CORO2B: variants seen among roughly 807,000 people sequenced by gnomAD.
The protein encoded by CORO2B is coronin 2B.
In CORO2B, 26 loss-of-function variants were observed where a neutral mutation model predicts 58.8. That is an observed-to-expected ratio of 0.44 (90% CI 0.32 to 0.61). The LOEUF (loss-of-function observed/expected upper bound fraction) is 0.61. Among genes scored for constraint, CORO2B ranks in the 20% least tolerant of loss-of-function variants. The pLI is 0.04. For missense variants in CORO2B, 460 were observed against 645.1 expected (o/e 0.71, Z 3.11); for synonymous variants, 242 against 253.8 (o/e 0.95, Z 0.44).
In CORO2B at chr15:68,645,482, G is replaced by C. The variant is rs1038580947; in HGVS notation, c.216+122G>C. 10 of 867,512 alleles carry C rather than the reference G, an allele frequency of 1.2e-5. No individual in the cohort carries two copies. The African/African-American group carries it at 1.7e-4, about 15-fold the overall frequency. The allele number at this position is 867,512 out of a possible 1,614,324, so 53.7% of individuals were successfully genotyped here. On this transcript the variant is annotated intron_variant, in intron 2 of 11. Coordinates refer to ENST00000261861, the MANE Select transcript of CORO2B (RefSeq NM_006091.5). This position sits in a 1 kb window ranked among gnomAD's most constrained non-coding sequence, Gnocchi z 4.5. ...TTCCCACCTTTTACTTCCTCATCAAGCATCTAGTGGCTATGCCTTCTTTAG... is the reference window on the plus strand; with the variant it reads ...TTCCCACCTTTTACTTCCTCATCAACCATCTAGTGGCTATGCCTTCTTTAG...
At chr15:68,658,468 C>A (rs1400391942) in intron 2 of CORO2B, among the ~76,000 whole-genome samples, 1 of 152,204 alleles carries the variant, frequency 6.6e-6, no homozygotes, top group Non-Finnish European at 1.5e-5. Context: ...TGGGTAGAAG[C>A]GGGAGGGGCT....
chr15:68,693,555 C>T (rs1892436768), intron 2 of CORO2B, among the ~76,000 whole-genome samples: 1 of 152,202 alleles, frequency 6.6e-6, no homozygotes, highest in East Asian at 1.9e-4. Flanking sequence ...GGAAAAAGAC[C>T]TGAGAGATGG....
intron 2 of CORO2B, among the ~76,000 whole-genome samples, chr15:68,690,386 T>C (rs907916655): frequency 6.6e-6 from 1 of 152,196 alleles, no homozygotes; most frequent in Non-Finnish European, 1.5e-5. Flanking sequence ...ATTTCTTAAT[T>C]ACATGCCTTT....
At chr15:68,573,594 G>A in the CORO2B span, among the ~76,000 whole-genome samples, 2 of 152,156 alleles carry the variant, frequency 1.3e-5, no homozygotes, top group African/African-American at 4.8e-5. Flanking sequence ...AAGCAGGGCA[G>A]GGTGGGAGCT....
At chr15:68,519,904 ATAAG>A in the CORO2B span, among the ~76,000 whole-genome samples, 2 of 152,266 alleles carry the variant, frequency 1.3e-5, no homozygotes, top group African/African-American at 2.4e-5. Flanking sequence ...TTTTTCTAAT[ATAAG>A]TATTTAAAGT....
At chr15:68,683,293 G>A (rs1902850329) in intron 2 of CORO2B, among the ~76,000 whole-genome samples, 1 of 152,198 alleles carries the variant, frequency 6.6e-6, no homozygotes, top group Non-Finnish European at 1.5e-5. Context: ...TCCAGCCATG[G>A]GAAGATACTG....
rs2140340439 is a variant in CORO2B at position 68,726,371 on chromosome 15, A to C, written c.*397A>C. 3.7e-6 allele frequency: 1 copy of C among 270,416 alleles called. No individual in the cohort carries two copies. Among genetic ancestry groups the C allele is most frequent in the Non-Finnish European group, 7.2e-6 (1 of 139,602 alleles). The allele number at this position is 270,416 out of a possible 1,614,324, so 16.8% of individuals were successfully genotyped here. A position where few individuals can be genotyped will look rare whatever the true frequency, so the allele number is the denominator to read the frequency against. The stretch of plus-strand genomic sequence containing the variant: ...AAGGGGGCTGCCAGGACATCTCAGC[A>C]CTCCCGCCTGGAGCTCTCAGCATCA... On this transcript the variant is annotated 3_prime_UTR_variant, in exon 12 of 12. Coordinates refer to ENST00000261861, the MANE Select transcript of CORO2B (RefSeq NM_006091.5).
chr15:68,569,620 G>C, the CORO2B span, among the ~76,000 whole-genome samples: 1 of 152,168 alleles, frequency 6.6e-6, no homozygotes, highest in Admixed American at 6.5e-5. Flanking sequence ...GTTTTCGTGT[G>C]GACATAAGAT....
the CORO2B span, among the ~76,000 whole-genome samples, chr15:68,531,607 A>G: frequency 6.8e-6 from 1 of 146,746 alleles, no homozygotes; most frequent in African/African-American, 2.5e-5. Flanking sequence ...GGAAGGAAGG[A>G]AGGGAAGGAG....
At chr15:68,653,166 T>G (rs1274105281) in intron 2 of CORO2B, among the ~76,000 whole-genome samples, 1 of 152,012 alleles carries the variant, frequency 6.6e-6, no homozygotes. Flanking sequence ...CCAGACAAGA[T>G]AGCATCACTC....
At chr15:68,686,028 T>G (rs1391322257) in intron 2 of CORO2B, among the ~76,000 whole-genome samples, 2 of 150,764 alleles carry the variant, frequency 1.3e-5, no homozygotes, top group Non-Finnish European at 3.0e-5. Flanking sequence ...CTGTTTTTTT[T>G]TTTTTTTTTC....
upstream of CORO2B, among the ~76,000 whole-genome samples, chr15:68,576,547 T>C (rs972060076): frequency 2.0e-5 from 3 of 152,228 alleles, no homozygotes; most frequent in Non-Finnish European, 4.4e-5. Context: ...CTCTGTAAGA[T>C]ATAAAAGTGG....
chr15:68,658,831 A>G (rs1901918349), intron 2 of CORO2B, among the ~76,000 whole-genome samples: 1 of 152,208 alleles, frequency 6.6e-6, no homozygotes, highest in African/African-American at 2.4e-5. Flanking sequence ...GCTCCCGCTG[A>G]TCAGAATGCA....
At chr15:68,600,056 G>A (rs1899943281) in intron 1 of CORO2B, among the ~76,000 whole-genome samples, 1 of 152,192 alleles carries the variant, frequency 6.6e-6, no homozygotes, top group Non-Finnish European at 1.5e-5. Flanking sequence ...GACAGTTTCT[G>A]TGTGTAGCCT....
At chr15:68,703,655 A>T (rs570053302) in intron 3 of CORO2B, among the ~76,000 whole-genome samples, 1 of 152,276 alleles carries the variant, frequency 6.6e-6, no homozygotes, top group African/African-American at 2.4e-5. Flanking sequence ...CTGTGTAATA[A>T]GCAGCAGGTC....
chr15:68,696,805 A>T (rs2140314434), intron 3 of CORO2B, among the ~76,000 whole-genome samples: 1 of 152,334 alleles, frequency 6.6e-6, no homozygotes, highest in South Asian at 2.1e-4. Context: ...GTGTTCCCAG[A>T]TGAAGGAGGA....
intron 1 of CORO2B, among the ~76,000 whole-genome samples, chr15:68,638,868 G>A (rs1901118652): frequency 6.6e-6 from 1 of 152,176 alleles, no homozygotes; most frequent in Non-Finnish European, 1.5e-5. Flanking sequence ...ACTGCGGGTG[G>A]GCTTTTCAGG....
At chr15:68,566,188 T>G in the CORO2B span, among the ~76,000 whole-genome samples, 3 of 152,332 alleles carry the variant, frequency 2.0e-5, no homozygotes, top group South Asian at 6.2e-4. Context: ...TAGGGTCCTG[T>G]TAGAAACCCT....
At chr15:68,535,151 A>G in the CORO2B span, among the ~76,000 whole-genome samples, 2 of 152,154 alleles carry the variant, frequency 1.3e-5, no homozygotes, top group Non-Finnish European at 2.9e-5. Context: ...GCCCACCCCG[A>G]GGAAGGATCA....
Sources: allele counts gnomAD v4.1 joint callset (sites outside exome capture counted in the v4.1 genomes callset), GRCh38; gene constraint gnomAD v4.1.1; non-coding constraint Gnocchi (gnomAD v3.1); transcripts MANE v1.5; gene names NCBI Gene and HGNC (gene_info 2026-07-23, HGNC 2026-07-21).